ZFYVE26: variants seen among roughly 807,000 people sequenced by gnomAD.
The protein encoded by ZFYVE26 is zinc finger FYVE-type containing 26.
ZFYVE26 carries 181 observed loss-of-function variants against 276.5 expected under a neutral mutation model. The ratio of observed to expected loss-of-function variants is 0.65; its 90% CI spans 0.58 to 0.74. The LOEUF (loss-of-function observed/expected upper bound fraction) is 0.74, where lower values mean the gene tolerates loss of function less well. ZFYVE26 is among the 30% of genes least tolerant of loss of function. The pLI is 0.00. For synonymous variants in ZFYVE26, 1,129 were observed against 1,203.1 expected, an observed-to-expected ratio of 0.94 and a Z score of 1.27; for missense variants, 2,821 against 3,097.9, an observed-to-expected ratio of 0.91 and a Z score of 2.12.
At chr14:67,768,670 A>T in intron 29 of ZFYVE26, 122 bp from the exon 30 acceptor site, 1 of 927,768 alleles carries the variant, frequency 1.1e-6, no homozygotes, top group East Asian at 2.5e-5. Context: ...TTGAGGGTAG[A>T]ATTGTTGAAT....
intron 40 of ZFYVE26, chr14:67,751,457 T>G: frequency 2.8e-6 from 1 of 351,270 alleles, no homozygotes. Context: ...CGTAATACAC[T>G]ATAGTCCAAA....
intron 21 of ZFYVE26, among the ~76,000 whole-genome samples, chr14:67,782,383 C>T (rs759464888): frequency 2.0e-5 from 3 of 152,140 alleles, no homozygotes; most frequent in East Asian, 1.9e-4. Flanking sequence ...TGGGTAGTTA[C>T]GAGCGAGACT....
chr14:67,732,466 G>A (rs1346546744), intron 13 of ZFYVE26, among the ~76,000 whole-genome samples: 1 of 141,614 alleles, frequency 7.1e-6, no homozygotes, highest in Non-Finnish European at 1.5e-5. Flanking sequence ...ACTAGATACA[G>A]TATGATCCCG....
In ZFYVE26 at chr14:67,754,195, T is replaced by C; in HGVS notation, c.7004A>G (p.Gln2335Arg). The change falls in exon 38 of 42, where the codon CAG becomes CGG. Residue 2335 changes from glutamine (Q) to arginine (R), a missense_variant. Transcript: ENST00000347230. The stretch of plus-strand genomic sequence containing the variant: ...GAACCTGGTCACTTCCATCTGCAGC[T>C]GAAGTGTGTTCATGTGCCTGTGGTG... ...ADVSRHMNTL[Q>R]LQMEVTRFLH... 6.2e-7 allele frequency: 1 copy of C among 1,614,226 alleles called. No homozygotes were observed. Among genetic ancestry groups the C allele is most frequent in the Non-Finnish European group, 8.5e-7 (1 of 1,180,052 alleles).
chr14:67,807,651 G>T lies in ZFYVE26; in HGVS notation c.633C>A (p.Pro211=). ...CATAGATGGCATCGACTACCCCAGG[G>T]GGCACCGAATCAGGGCCCTGCAAAG... ...LRALQGPDSV[P]PGVVDAIYGA... The change falls in exon 5 of 42, where the codon CCC becomes CCA. Residue 211 remains proline (P), a synonymous_variant. Transcript: ENST00000347230. 1 of 1,614,162 alleles carries T rather than the reference G, an allele frequency of 6.2e-7. No homozygotes were observed.
chr14:67,795,612 G>A (rs1289701469), intron 12 of ZFYVE26, among the ~76,000 whole-genome samples: 1 of 152,118 alleles, frequency 6.6e-6, no homozygotes, highest in Non-Finnish European at 1.5e-5. Context: ...TTTAGCCCAT[G>A]GGAAATCCTC....
intron 36 of ZFYVE26, among the ~76,000 whole-genome samples, chr14:67,755,506 C>T (rs2038755989): frequency 6.6e-6 from 1 of 152,120 alleles, no homozygotes; most frequent in Non-Finnish European, 1.5e-5. Flanking sequence ...TCTGATTCTC[C>T]ACTCAAATTG....
At chr14:67,775,291 C>T (rs1214711363) in intron 26 of ZFYVE26, among the ~76,000 whole-genome samples, 177 bp from the exon 27 acceptor site, 1 of 152,088 alleles carries the variant, frequency 6.6e-6, no homozygotes, top group Non-Finnish European at 1.5e-5. Context: ...GTTTCTTAAA[C>T]GCCTCGAAAA....
At chr14:67,810,785 A>C (rs1333962873) in intron 3 of ZFYVE26, among the ~76,000 whole-genome samples, 1 of 152,150 alleles carries the variant, frequency 6.6e-6, no homozygotes, top group Non-Finnish European at 1.5e-5. Flanking sequence ...TAAATATGAG[A>C]CATCTGTCAA....
chr14:67,772,549 A>G (rs1172667930), intron 27 of ZFYVE26, among the ~76,000 whole-genome samples: 3 of 152,228 alleles, frequency 2.0e-5, no homozygotes, highest in Non-Finnish European at 4.4e-5. Context: ...AGCATGTGGG[A>G]AGCTCCGGGG....
At chr14:67,774,174 C>A (rs1026525091) in intron 27 of ZFYVE26, among the ~76,000 whole-genome samples, 1 of 152,232 alleles carries the variant, frequency 6.6e-6, no homozygotes, top group Non-Finnish European at 1.5e-5. Flanking sequence ...CAATACTCAA[C>A]ACTCAAATTC....
At chr14:67,753,504 T>C (rs2038701734) in intron 39 of ZFYVE26, among the ~76,000 whole-genome samples, 1 of 152,220 alleles carries the variant, frequency 6.6e-6, no homozygotes, top group African/African-American at 2.4e-5. Flanking sequence ...GATGAATTTG[T>C]CATGGGTTAC....
chr14:67,733,558 C>A (rs1210756950), intron 13 of ZFYVE26, among the ~76,000 whole-genome samples: 1 of 151,994 alleles, frequency 6.6e-6, no homozygotes, highest in Non-Finnish European at 1.5e-5. Context: ...AATAAATAAG[C>A]CTGTGTATTA....
chr14:67,733,913 A>G, intron 13 of ZFYVE26: 1 of 1,211,904 alleles, frequency 8.3e-7, no homozygotes, highest in Non-Finnish European at 1.2e-6. Flanking sequence ...ACCAAGGAGA[A>G]GGCCAACCCT....
intron 14 of ZFYVE26, among the ~76,000 whole-genome samples, chr14:67,791,958 G>A (rs1490507357): frequency 3.3e-5 from 5 of 151,730 alleles, no homozygotes; most frequent in African/African-American, 4.8e-5. Flanking sequence ...TACTCAGGAG[G>A]CTGAGGCAGG....
chr14:67,792,597 T>C (rs1423414735), intron 14 of ZFYVE26, among the ~76,000 whole-genome samples: 3 of 152,156 alleles, frequency 2.0e-5, no homozygotes, highest in Admixed American at 1.3e-4. Flanking sequence ...CCATACTTCT[T>C]GTATATTGAA....
At chr14:67,769,198 G>C (rs2039138136) in intron 29 of ZFYVE26, among the ~76,000 whole-genome samples, 2 of 152,188 alleles carry the variant, frequency 1.3e-5, no homozygotes, top group Non-Finnish European at 2.9e-5. Context: ...GATCAGAGTT[G>C]ATATAAGCGA....
chr14:67,762,842 G>A (rs745529147), intron 32 of ZFYVE26, 23 bp from the exon 33 acceptor site: 9 of 1,612,922 alleles, frequency 5.6e-6, no homozygotes, highest in Middle Eastern at 1.6e-4. Flanking sequence ...AAAGGGCAAG[G>A]CCATGAGGCT....
At chr14:67,760,609 T>C (rs982315000) in intron 35 of ZFYVE26, among the ~76,000 whole-genome samples, 2 of 152,140 alleles carry the variant, frequency 1.3e-5, no homozygotes, top group African/African-American at 2.4e-5. Flanking sequence ...GTGCCTGTAG[T>C]CCCAGCTACT....
Sources: allele counts gnomAD v4.1 joint callset (sites outside exome capture counted in the v4.1 genomes callset), GRCh38; gene constraint gnomAD v4.1.1; transcripts MANE v1.5; gene names NCBI Gene and HGNC (gene_info 2026-07-23, HGNC 2026-07-21).